The following MREG variants were observed in gnomAD, a reference collection of about 807,000 sequenced individuals.
MREG encodes the protein melanoregulin, also known as dilute suppressor protein homolog.
In MREG, 31 loss-of-function variants were observed where a neutral mutation model predicts 28.5. That is an observed-to-expected ratio of 1.09 (90% CI 0.82 to 1.47). MREG has a LOEUF of 1.47. MREG is among the 40% of genes most tolerant of loss of function. MREG has a pLI of 0.00. For missense variants in MREG, 256 were observed against 257.4 expected, an observed-to-expected ratio of 0.99 and a Z score of 0.04; for synonymous variants, 106 against 95.2, an observed-to-expected ratio of 1.11 and a Z score of -0.66.
At chr2:215,982,647 T>C (rs2115569) in intron 2 of MREG, among the ~76,000 whole-genome samples, 145,757 of 152,234 alleles carry the variant, frequency 0.96, 69,840 homozygotes, top group African/African-American at 0.97. Flanking sequence ...AGCCAATAAC[T>C]GCTTGGGAAC....
intron 1 of MREG, among the ~76,000 whole-genome samples, chr2:216,030,875 G>A (rs1267192353): frequency 6.6e-6 from 1 of 150,386 alleles, no homozygotes; most frequent in Non-Finnish European, 1.5e-5. Flanking sequence ...AATTCTGTGG[G>A]CAATTTATTT....
At chr2:215,952,172 A>G (rs1304283481) in intron 2 of MREG, among the ~76,000 whole-genome samples, 2 of 152,222 alleles carry the variant, frequency 1.3e-5, no homozygotes, top group Admixed American at 6.5e-5. Context: ...TCATTCATCC[A>G]TAAACACTTA....
At chr2:215,978,553 A>C (rs1693322128) in intron 2 of MREG, among the ~76,000 whole-genome samples, 1 of 152,206 alleles carries the variant, frequency 6.6e-6, no homozygotes, top group African/African-American at 2.4e-5. Context: ...ATCATCCTGA[A>C]ACCAAAACCT....
chr2:215,995,957 T>C (rs1693861416), intron 2 of MREG, among the ~76,000 whole-genome samples: 1 of 152,162 alleles, frequency 6.6e-6, no homozygotes, highest in Non-Finnish European at 1.5e-5. Flanking sequence ...AACTTCAGTC[T>C]GAATCAAGTA....
At chr2:215,980,960 A>C (rs1351770739) in intron 2 of MREG, among the ~76,000 whole-genome samples, 1 of 152,084 alleles carries the variant, frequency 6.6e-6, no homozygotes, top group African/African-American at 2.4e-5. Flanking sequence ...AAATATTAAT[A>C]ACAAGTGTTG....
intron 2 of MREG, among the ~76,000 whole-genome samples, chr2:215,962,310 G>C (rs1048766490): frequency 6.6e-6 from 1 of 152,200 alleles, no homozygotes; most frequent in African/African-American, 2.4e-5. Flanking sequence ...ATTCGAGCTA[G>C]TTTTGTTTAA....
chr2:215,974,168 C>A (rs1693179124), intron 2 of MREG, among the ~76,000 whole-genome samples: 1 of 152,112 alleles, frequency 6.6e-6, no homozygotes, highest in African/African-American at 2.4e-5. Context: ...GATTGCAAAA[C>A]CATAAAATGA....
chr2:215,965,748 G>A (rs1692922539), intron 2 of MREG, among the ~76,000 whole-genome samples: 1 of 152,128 alleles, frequency 6.6e-6, no homozygotes, highest in East Asian at 1.9e-4. Flanking sequence ...TCCCTAGGAG[G>A]AAGAAGTTTA....
chr2:215,990,573 A>C (rs1177322082), intron 2 of MREG, among the ~76,000 whole-genome samples: 2 of 152,352 alleles, frequency 1.3e-5, no homozygotes, highest in East Asian at 1.9e-4. Flanking sequence ...AATAGGCTAA[A>C]TGCCCCAATT....
chr2:215,958,119 G>C (rs867639189), intron 2 of MREG, among the ~76,000 whole-genome samples: 1 of 144,130 alleles, frequency 6.9e-6, no homozygotes, highest in African/African-American at 2.5e-5. Flanking sequence ...GGTGGAGGGA[G>C]GGGGGAGGGA....
rs1306276548 is a variant in MREG, at chr2:215,945,750, G to A, written c.347-16C>T. On this transcript the variant is annotated splice_polypyrimidine_tract_variant and intron_variant, in intron 3 of 4. Transcript: ENST00000263268. ...TTTTGAAAACCTAAGGTAGAAAAATGGACCACTCATGTAAAGTAGTCCCAA... is the reference window on the plus strand; with the variant it reads ...TTTTGAAAACCTAAGGTAGAAAAATAGACCACTCATGTAAAGTAGTCCCAA... 2 of 1,608,752 alleles carry A rather than the reference G, an allele frequency of 1.2e-6. No individual in the cohort carries two copies. The highest frequency in any genetic ancestry group is 3.4e-5 in the Admixed American group (2 of 59,150).
chr2:216,000,564 C>G (rs1307308672), intron 1 of MREG, among the ~76,000 whole-genome samples: 2 of 152,138 alleles, frequency 1.3e-5, no homozygotes, highest in African/African-American at 2.4e-5. Context: ...CTTCCATCTT[C>G]CCCCAGATGT....
intron 1 of MREG, among the ~76,000 whole-genome samples, chr2:216,010,456 C>G (rs1694271201): frequency 6.8e-6 from 1 of 146,506 alleles, no homozygotes; most frequent in South Asian, 2.2e-4. Context: ...CTCCCGGGTT[C>G]ACGCCATTCT....
intron 2 of MREG, among the ~76,000 whole-genome samples, chr2:215,954,553 T>C (rs771079950): frequency 1.3e-5 from 2 of 151,622 alleles, no homozygotes; most frequent in African/African-American, 2.4e-5. Context: ...ACTTGCCCCA[T>C]GCCCAACCGC....
intron 2 of MREG, among the ~76,000 whole-genome samples, chr2:215,957,143 A>G (rs1692646468): frequency 1.3e-5 from 2 of 152,178 alleles, no homozygotes; most frequent in Non-Finnish European, 2.9e-5. Flanking sequence ...AAATAGAGAA[A>G]AAGCAACCCA....
chr2:215,982,277 C>T (rs186791360), intron 2 of MREG, among the ~76,000 whole-genome samples: 54 of 150,740 alleles, frequency 3.6e-4, no homozygotes, highest in African/African-American at 8.5e-4. Flanking sequence ...GCCAAGATCA[C>T]GCCATTGCAC....
intron 2 of MREG, among the ~76,000 whole-genome samples, chr2:215,974,868 TCTCTCTCC>T (rs1693207066): frequency 2.0e-5 from 3 of 150,214 alleles, no homozygotes; most frequent in African/African-American, 7.3e-5. Context: ...TCTCTCTCTC[TCTCTCTCC>T]CTCTCTCCAC....
upstream of MREG, chr2:216,034,093 T>C (rs1006893521): frequency 6.6e-5 from 10 of 152,070 alleles, no homozygotes; most frequent in African/African-American, 2.4e-4. Flanking sequence ...AAGCTCAAGT[T>C]GAAGCTTTGC....
chr2:216,002,136 G>A (rs1278074931), intron 1 of MREG, among the ~76,000 whole-genome samples: 1 of 152,178 alleles, frequency 6.6e-6, no homozygotes, highest in Non-Finnish European at 1.5e-5. Context: ...TTAACATCAG[G>A]CATTTGAGAG....
Sources: gnomAD v4.1 joint callset for allele counts (sites outside exome capture counted in the v4.1 genomes callset) on GRCh38, gnomAD v4.1.1 for gene constraint, MANE v1.5 for transcripts, NCBI Gene and HGNC (gene_info 2026-07-23, HGNC 2026-07-21) for gene names.